The following BTBD10 variants were observed in gnomAD, a reference collection of about 807,000 sequenced individuals.
BTBD10 encodes BTB/POZ domain-containing protein 10.
In BTBD10, 21 loss-of-function variants were observed where a neutral mutation model predicts 53.2. That is an observed-to-expected ratio of 0.39 (90% CI 0.28 to 0.57). The LOEUF is 0.57. Among genes scored for constraint, BTBD10 ranks in the 20% least tolerant of loss-of-function variants. The pLI, the probability that BTBD10 is intolerant of heterozygous loss-of-function variation, is 0.53. For synonymous variants in BTBD10, 149 were observed against 192.7 expected (o/e 0.77, Z 1.88); for missense variants, 360 against 594.7 (o/e 0.61, Z 4.10).
chr11:13,430,333 C>T (rs189264706), intron 2 of BTBD10, among the ~76,000 whole-genome samples: 6 of 152,222 alleles, frequency 3.9e-5, no homozygotes, highest in African/African-American at 1.4e-4. Context: ...TACATCATTA[C>T]ACATTAGAGT....
chr11:13,450,138 T>C (rs1190330877), intron 1 of BTBD10, among the ~76,000 whole-genome samples: 2 of 152,114 alleles, frequency 1.3e-5, no homozygotes, highest in Admixed American at 1.3e-4. Context: ...AATTACATAG[T>C]GATCCCAGAA....
chr11:13,388,926 G>C lies in BTBD10; in HGVS notation c.1333C>G (p.Pro445Ala), dbSNP rs1183944594. ...IPQDQLVVMHPTPQVDELDIL... is the reference protein window; with the variant it reads ...IPQDQLVVMHATPQVDELDIL... ...TCCAGCTCATCCACTTGTGGAGTTG[G>C]ATGCATGACTACCAGCTGGTCCTGG... The change falls in exon 9 of 9, where the codon CCA (proline) becomes GCA (alanine). Residue 445 changes from proline (P) to alanine (A), a missense_variant. Physicochemically the swap from Pro to Ala is conservative, Grantham distance 27. Transcript: ENST00000278174. The C allele has an allele frequency of 6.2e-7, 1 of 1,614,194 alleles. No homozygotes were observed. Among genetic ancestry groups the C allele is most frequent in the East Asian group, 2.2e-5 (1 of 44,878 alleles).
At chr11:13,417,030 T>G in intron 5 of BTBD10, 128 bp downstream of exon 5, 2 of 606,354 alleles carry the variant, frequency 3.3e-6, no homozygotes, top group Non-Finnish European at 5.5e-6. Context: ...ATGAATTAAA[T>G]GGTATTTAAG....
chr11:13,431,476 CAAAAG>C (rs1950447060), intron 2 of BTBD10, among the ~76,000 whole-genome samples: 1 of 152,108 alleles, frequency 6.6e-6, no homozygotes, highest in African/African-American at 2.4e-5. Flanking sequence ...ACCTTAAACA[CAAAAG>C]AAAATATTTC....
chr11:13,443,652 T>G (rs186588292), intron 2 of BTBD10, among the ~76,000 whole-genome samples: 79 of 152,114 alleles, frequency 5.2e-4, no homozygotes, highest in Non-Finnish European at 9.0e-4. Flanking sequence ...TGGAATGCAG[T>G]GGCCTACTGT....
At chr11:13,417,049 A>G in intron 5 of BTBD10, 109 bp downstream of exon 5, 1 of 717,462 alleles carries the variant, frequency 1.4e-6, no homozygotes, top group Non-Finnish European at 2.2e-6. Context: ...AGGAAAAACA[A>G]TACCCTGGAA....
In BTBD10 at chr11:13,413,570, A is replaced by G; in HGVS notation, c.768T>C (p.Cys256=). 2.5e-6 allele frequency: 4 copies of G among 1,610,754 alleles called. No homozygotes were observed. Among genetic ancestry groups the G allele is most frequent in the Non-Finnish European group, 3.4e-6 (4 of 1,177,828 alleles). The part of the protein sequence containing the change: ...PELREACDYL[C]ISFEYSTIKC... ...TAATAGTGCTATATTCAAAAGAGATACAAAGATAGTCACATGCTTCTCTCA... is the reference window on the plus strand; with the variant it reads ...TAATAGTGCTATATTCAAAAGAGATGCAAAGATAGTCACATGCTTCTCTCA... The change falls in exon 6 of 9, where the codon TGT becomes TGC. Residue 256 remains cysteine (C), a synonymous_variant. Coordinates refer to ENST00000278174, the MANE Select transcript of BTBD10 (RefSeq NM_032320.7).
chr11:13,406,048 A>G (rs1949817955), intron 6 of BTBD10, among the ~76,000 whole-genome samples, 192 bp from the exon 7 acceptor site: 1 of 152,210 alleles, frequency 6.6e-6, no homozygotes, highest in Non-Finnish European at 1.5e-5. Context: ...TCCCTAGCCT[A>G]GCGTATTTTT....
intron 2 of BTBD10, chr11:13,440,358 G>A: frequency 2.9e-6 from 3 of 1,029,774 alleles, no homozygotes; most frequent in Non-Finnish European, 3.6e-6. Context: ...ACAAAACGCA[G>A]GAGTTGAGGG....
rs538495168 is a variant in BTBD10, at chr11:13,459,066, T to A, written c.-58+4026A>T. On this transcript the variant is annotated intron_variant, in intron 1 of 8. Transcript: ENST00000278174. ...TATTTTTTTATTTATTTATTTTTTT[T>A]TTTTTTTTGAGACGGAGTCTCGCTC... Among the ~76,000 whole-genome samples, 532 of 148,888 alleles carry A rather than the reference T, an allele frequency of 3.6e-3. 4 individuals are homozygous for A. The highest frequency in any genetic ancestry group is 6.8e-3 in the Middle Eastern group (2 of 294).
chr11:13,462,190 A>G (rs1488215758), intron 1 of BTBD10, among the ~76,000 whole-genome samples: 1 of 152,106 alleles, frequency 6.6e-6, no homozygotes, highest in Non-Finnish European at 1.5e-5. Context: ...GATTTTGATC[A>G]AATTTGTGTA....
chr11:13,428,811 T>C (rs7103062), intron 2 of BTBD10, among the ~76,000 whole-genome samples: 2 of 152,016 alleles, frequency 1.3e-5, no homozygotes, highest in Non-Finnish European at 2.9e-5. Flanking sequence ...AGAAAAGACA[T>C]TCAGATTGAT....
At chr11:13,453,381 A>T (rs1180109219) in intron 1 of BTBD10, among the ~76,000 whole-genome samples, 1 of 152,186 alleles carries the variant, frequency 6.6e-6, no homozygotes, top group Non-Finnish European at 1.5e-5. Context: ...TATCACATAA[A>T]ATTAAAACTA....
intron 8 of BTBD10, among the ~76,000 whole-genome samples, chr11:13,398,520 T>A (rs976993161): frequency 6.6e-6 from 1 of 152,218 alleles, no homozygotes; most frequent in Non-Finnish European, 1.5e-5. Context: ...TGTCTTTTAA[T>A]TAGAGCATTT....
intron 1 of BTBD10, among the ~76,000 whole-genome samples, chr11:13,452,753 C>T (rs139792391): frequency 2.9e-4 from 44 of 152,174 alleles, no homozygotes; most frequent in African/African-American, 9.6e-4. Flanking sequence ...CATTCAAGAC[C>T]GCAATTTCCT....
intron 2 of BTBD10, among the ~76,000 whole-genome samples, chr11:13,430,494 C>A (rs968322868): frequency 1.3e-5 from 2 of 152,100 alleles, no homozygotes; most frequent in African/African-American, 4.8e-5. Context: ...TAAACATACT[C>A]TAGCCATATG....
chr11:13,398,135 A>G (rs1409299452), intron 8 of BTBD10, among the ~76,000 whole-genome samples: 2 of 152,168 alleles, frequency 1.3e-5, no homozygotes, highest in South Asian at 4.1e-4. Context: ...TAATGTTGAC[A>G]GTGGGGTGTT....
At chr11:13,426,405 A>G (rs577119923) in intron 2 of BTBD10, among the ~76,000 whole-genome samples, 1 of 152,272 alleles carries the variant, frequency 6.6e-6, no homozygotes, top group East Asian at 1.9e-4. Flanking sequence ...CTAATGCCAG[A>G]TAAAATATGA....
chr11:13,423,126 C>T (rs1950274547), intron 2 of BTBD10, among the ~76,000 whole-genome samples: 1 of 151,954 alleles, frequency 6.6e-6, no homozygotes, highest in South Asian at 2.1e-4. Context: ...GATAAAATTT[C>T]AATAATTAGA....
Sources: gnomAD v4.1 joint callset for allele counts (sites outside exome capture counted in the v4.1 genomes callset) on GRCh38, gnomAD v4.1.1 for gene constraint, MANE v1.5 for transcripts, NCBI Gene and HGNC (gene_info 2026-07-23, HGNC 2026-07-21) for gene names.